ARAP2: variants seen among roughly 807,000 people sequenced by gnomAD.
ARAP2 encodes the protein arf-GAP with Rho-GAP domain, ANK repeat and PH domain-containing protein 2.
ARAP2 carries 148 observed loss-of-function variants against 194.5 expected under a neutral mutation model. The observed-to-expected ratio is 0.76, with a 90% confidence interval of 0.67 to 0.87. ARAP2 has a LOEUF of 0.87. Ranked by LOEUF, ARAP2 falls within the 40% of genes least tolerant of loss-of-function variation. The probability of loss-of-function intolerance (pLI) is 0.00; values close to 1 mark genes in which losing one functional copy is unlikely to be tolerated. For synonymous variants in ARAP2, 695 were observed against 683.5 expected, an observed-to-expected ratio of 1.02 and a Z score of -0.26; for missense variants, 2,128 against 1,989.7, an observed-to-expected ratio of 1.07 and a Z score of -1.32.
chr4:36,121,303 T>C lies in ARAP2; in HGVS notation c.3770A>G (p.Asn1257Ser), dbSNP rs760459084. The C allele has an allele frequency of 8.7e-6, 14 of 1,600,276 alleles. No homozygotes were observed. The East Asian group carries it at 2.0e-4, about 23-fold the overall frequency. ...LYRVQKCSEI[N>S]HMNAHNLALV... ...GGCCAAATTATGGGCATTCATGTGA[T>C]TGATTTCTGAGCATTTCTGAACCCT... is the stretch of plus-strand genomic sequence containing the variant. Residue 1257 changes from asparagine to serine, a missense_variant, in exon 23 of 33, where the codon AAT becomes AGT. Asn to Ser is a conservative substitution (Grantham distance 46). Transcript: ENST00000303965.
chr4:36,218,023 A>G (rs1280471104), intron 2 of ARAP2, among the ~76,000 whole-genome samples: 1 of 151,982 alleles, frequency 6.6e-6, no homozygotes, highest in African/African-American at 2.4e-5. Flanking sequence ...AATAATGACA[A>G]ATTTTTAAAG....
intron 6 of ARAP2, among the ~76,000 whole-genome samples, chr4:36,207,318 A>G (rs959125677): frequency 1.3e-5 from 2 of 152,232 alleles, no homozygotes; most frequent in Non-Finnish European, 2.9e-5. Flanking sequence ...TCACTTATTA[A>G]GCTTTTCATC....
intron 2 of ARAP2, among the ~76,000 whole-genome samples, chr4:36,218,038 C>T (rs927049906): frequency 2.0e-5 from 3 of 151,848 alleles, no homozygotes; most frequent in African/African-American, 7.3e-5. Flanking sequence ...TTAAAGAGTA[C>T]AGTGAGAAGA....
chr4:36,201,325 A>G (rs1000907902), intron 6 of ARAP2, among the ~76,000 whole-genome samples: 4 of 152,214 alleles, frequency 2.6e-5, no homozygotes, highest in Non-Finnish European at 4.4e-5. Context: ...ACATTAGTAC[A>G]TTTTATAGCT....
rs116238117 is a variant in ARAP2, at chr4:36,026,720, C to T, written n.608-7434G>A. On this transcript the variant is annotated intron_variant and non_coding_transcript_variant, in intron 5 of 12. Coordinates refer to the ARAP2 transcript ENST00000503225. ...GACTCTTTCTTGGGTGCATGGTGTA[C>T]GCAGTGTTTTTGATGTGAATTATGG... Among the ~76,000 whole-genome samples, 520 of 152,300 alleles carry T rather than the reference C, an allele frequency of 3.4e-3. 3 individuals carry two copies. The highest frequency in any genetic ancestry group is 0.012 in the African/African-American group (488 of 41,580).
At chr4:36,231,758 G>A (rs1455548621) in intron 1 of ARAP2, among the ~76,000 whole-genome samples, 1 of 152,062 alleles carries the variant, frequency 6.6e-6, no homozygotes, top group Non-Finnish European at 1.5e-5. Flanking sequence ...AGCCTAGACT[G>A]TATTCCCAAG....
chr4:36,054,212 T>C (rs1370843861), intron 2 of ARAP2, among the ~76,000 whole-genome samples: 1 of 152,174 alleles, frequency 6.6e-6, no homozygotes, highest in Non-Finnish European at 1.5e-5. Context: ...GCAATTGCAT[T>C]AGTCATCTGC....
chr4:36,235,301 C>G (rs1163036510), intron 1 of ARAP2, among the ~76,000 whole-genome samples: 1 of 152,220 alleles, frequency 6.6e-6, no homozygotes, highest in African/African-American at 2.4e-5. Flanking sequence ...GACTTCCAAA[C>G]TTAATCTTCC....
chr4:36,244,743 G>A (rs926980669), upstream of ARAP2, among the ~76,000 whole-genome samples: 19 of 152,238 alleles, frequency 1.2e-4, no homozygotes, highest in African/African-American at 4.3e-4. Context: ...AGAGCGACAG[G>A]GGCATTACCC....
intron 28 of ARAP2, among the ~76,000 whole-genome samples, chr4:36,088,271 T>C (rs1431155431): frequency 6.6e-6 from 1 of 152,090 alleles, no homozygotes; most frequent in Non-Finnish European, 1.5e-5. Context: ...AATCAGTCTT[T>C]TGAAAATCAA....
At chr4:36,145,736 G>A (rs772228374) in intron 19 of ARAP2, among the ~76,000 whole-genome samples, 1 of 151,882 alleles carries the variant, frequency 6.6e-6, no homozygotes, top group Non-Finnish European at 1.5e-5. Context: ...GTCCCTGGCT[G>A]CTCCTTCCTA....
intron 5 of ARAP2, among the ~76,000 whole-genome samples, chr4:36,041,977 C>G (rs1425483778): frequency 6.6e-6 from 1 of 151,956 alleles, no homozygotes; most frequent in African/African-American, 2.4e-5. Flanking sequence ...ATCATAAGAA[C>G]TTAATGAACA....
intron 5 of ARAP2, among the ~76,000 whole-genome samples, chr4:36,211,274 G>A (rs1365784317): frequency 6.6e-6 from 1 of 152,142 alleles, no homozygotes; most frequent in African/African-American, 2.4e-5. Flanking sequence ...ATGCTGATGA[G>A]GAAAAATATT....
intron 19 of ARAP2, among the ~76,000 whole-genome samples, chr4:36,141,606 T>C (rs1728330029): frequency 6.6e-6 from 1 of 151,722 alleles, no homozygotes; most frequent in South Asian, 2.1e-4. Flanking sequence ...TAGGGGGTTC[T>C]TTCTCCTCTT....
Position 36,228,585 on chromosome 4 carries a change from C to T in ARAP2, c.902G>A (p.Gly301Glu). 2.5e-6 allele frequency: 4 copies of T among 1,580,750 alleles called. No individual in the cohort carries two copies. The highest frequency in any genetic ancestry group is 2.6e-6 in the Non-Finnish European group (3 of 1,164,310). Residue 301 changes from glycine (G) to glutamate (E), a missense_variant, in exon 2 of 33, where the codon GGG becomes GAG. By Grantham distance (98) the Gly-to-Glu change is moderately conservative (BLOSUM62 -2). Transcript: ENST00000303965. Reference protein sequence around the residue: ...EIPGSTKGVSGSYFRERRNVA... With the variant: ...EIPGSTKGVSESYFRERRNVA... ...AGCTTATTGTAAAGATTCTTACCTCCCAGAAACTCCTTTTGTTGACCCTGG... is the reference window on the plus strand; with the variant it reads ...AGCTTATTGTAAAGATTCTTACCTCTCAGAAACTCCTTTTGTTGACCCTGG...
chr4:36,083,825 CTG>C (rs1232587858), intron 28 of ARAP2, among the ~76,000 whole-genome samples: 3 of 152,208 alleles, frequency 2.0e-5, no homozygotes, highest in Admixed American at 6.5e-5. Context: ...CTGGGTGTGT[CTG>C]TGAGTGTTGC....
chr4:36,207,675 A>G lies in ARAP2; in HGVS notation c.1487+2715T>C, dbSNP rs550513494. Among the ~76,000 whole-genome samples, 5 of 152,328 alleles carry G rather than the reference A, an allele frequency of 3.3e-5. No homozygotes were observed. In the East Asian group the frequency reaches 5.8e-4, roughly 18 times the overall value. On this transcript the variant is annotated intron_variant, in intron 6 of 32. Coordinates refer to ENST00000303965, the MANE Select transcript of ARAP2 (RefSeq NM_015230.4). The stretch of plus-strand genomic sequence containing the variant: ...TAAACAAAAGACAGTTTCAAACACT[A>G]TTTGAAAAAGTATAAACTAGAATGT...
chr4:36,113,558 A>T (rs1480607345), intron 26 of ARAP2, among the ~76,000 whole-genome samples: 1 of 151,934 alleles, frequency 6.6e-6, no homozygotes, highest in Non-Finnish European at 1.5e-5. Context: ...AGTAGGTAGC[A>T]GCTAGACAGA....
chr4:36,006,137 T>C (rs11735425), intron 10 of ARAP2: 41,139 of 152,068 alleles, frequency 0.27, 5,498 homozygotes, highest in South Asian at 0.33. Flanking sequence ...GGTTAGGGGA[T>C]CCAAGGACCA....
Sources: allele counts gnomAD v4.1 joint callset (sites outside exome capture counted in the v4.1 genomes callset), GRCh38; gene constraint gnomAD v4.1.1; transcripts MANE v1.5; gene names NCBI Gene and HGNC (gene_info 2026-07-23, HGNC 2026-07-21).